The following GREB1 variants were observed in gnomAD, a reference collection of about 807,000 sequenced individuals.
GREB1 encodes protein GREB1.
In GREB1, 106 loss-of-function variants were observed where a neutral mutation model predicts 200.7. The observed-to-expected ratio is 0.53, with a 90% CI of 0.45 to 0.62. GREB1 has a LOEUF of 0.62. Ranked by LOEUF, GREB1 falls within the 20% of genes least tolerant of loss-of-function variation. GREB1 has a pLI of 0.00. For missense variants in GREB1, 2,243 were observed against 2,556.8 expected (o/e 0.88, Z 2.65); for synonymous variants, 1,132 against 1,092.4 (o/e 1.04, Z -0.72).
chr2:11,536,253 T>C (rs556149852), intron 1 of GREB1, among the ~76,000 whole-genome samples: 119 of 151,986 alleles, frequency 7.8e-4, no homozygotes, highest in African/African-American at 2.6e-3. Flanking sequence ...GAGTCGGAGG[T>C]GTGACAGGAT....
At chr2:11,614,418 C>T (rs1269920890) in intron 19 of GREB1, among the ~76,000 whole-genome samples, 4 of 152,140 alleles carry the variant, frequency 2.6e-5, no homozygotes, top group East Asian at 1.9e-4. Context: ...TGAGCCACCA[C>T]GCCCAGCCAG....
chr2:11,569,761 C>G (rs1369432297), intron 4 of GREB1, among the ~76,000 whole-genome samples: 1 of 152,212 alleles, frequency 6.6e-6, no homozygotes, highest in East Asian at 1.9e-4. Context: ...GGCCCTGGTG[C>G]CCAGGTCCTG....
intron 1 of GREB1, among the ~76,000 whole-genome samples, chr2:11,524,485 G>A (rs1673807466): frequency 2.0e-5 from 3 of 152,212 alleles, no homozygotes; most frequent in Admixed American, 6.5e-5. Context: ...GGAAATCTGT[G>A]TGCCATACTT....
Position 11,640,243 on chromosome 2 carries a change from G to A in GREB1, c.5687-48G>A. 6.4e-7 allele frequency: 1 copy of A among 1,573,484 alleles called. No homozygotes were observed. Among genetic ancestry groups the A allele is most frequent in the Non-Finnish European group, 8.6e-7 (1 of 1,158,570 alleles). On this transcript the variant is annotated intron_variant, in intron 32 of 32. Transcript: ENST00000381486. This position sits in a 1 kb window ranked among gnomAD's most constrained non-coding sequence, Gnocchi z 4.6. Reference sequence around the variant, plus strand: ...GAATCCGGGCAGCCGCTTTCCTCTGGATAAACTCACCTTTTCCCTTCCCAC... The same window carrying A: ...GAATCCGGGCAGCCGCTTTCCTCTGAATAAACTCACCTTTTCCCTTCCCAC...
intron 1 of GREB1, among the ~76,000 whole-genome samples, chr2:11,544,204 C>T (rs1195416769): frequency 1.3e-5 from 2 of 151,984 alleles, no homozygotes; most frequent in Non-Finnish European, 2.9e-5. Flanking sequence ...GTCTGAGAGC[C>T]TTTTATTTAT....
chr2:11,508,650 A>G (rs1673249758), intron 1 of GREB1, among the ~76,000 whole-genome samples: 1 of 152,184 alleles, frequency 6.6e-6, no homozygotes, highest in Non-Finnish European at 1.5e-5. Context: ...ATTTAGAATG[A>G]AACAAAATAA....
At chr2:11,545,839 C>T (rs1572643878) in intron 1 of GREB1, among the ~76,000 whole-genome samples, 1 of 151,898 alleles carries the variant, frequency 6.6e-6, no homozygotes, top group African/African-American at 2.4e-5. Context: ...CAGATAGCAG[C>T]TGTTGATTAT....
intron 6 of GREB1, among the ~76,000 whole-genome samples, chr2:11,579,395 A>C (rs1408592923): frequency 6.6e-6 from 1 of 152,190 alleles, no homozygotes; most frequent in African/African-American, 2.4e-5. Flanking sequence ...CTCATCTGTA[A>C]AGTTGGGCAA....
intron 2 of GREB1, among the ~76,000 whole-genome samples, chr2:11,557,818 C>T (rs73915422): frequency 0.038 from 5,725 of 152,192 alleles, 223 homozygotes; most frequent in African/African-American, 0.091. Context: ...TTAGGAAAAC[C>T]AAGAATTCGC....
chr2:11,566,302 C>T (rs1193329611), intron 3 of GREB1, among the ~76,000 whole-genome samples, 178 bp from the exon 4 acceptor site: 1 of 152,170 alleles, frequency 6.6e-6, no homozygotes, highest in Non-Finnish European at 1.5e-5. Flanking sequence ...CAGGCGTGAG[C>T]TACCATGCCC....
At chr2:11,547,676 A>C (rs1675414507) in intron 1 of GREB1, among the ~76,000 whole-genome samples, 1 of 152,176 alleles carries the variant, frequency 6.6e-6, no homozygotes, top group Non-Finnish European at 1.5e-5. Flanking sequence ...TTCTATCCCA[A>C]TTCCTGCTTC....
chr2:11,625,239 C>G lies in GREB1; in HGVS notation c.4233C>G (p.Asp1411Glu), dbSNP rs1288667102. 3 of 1,614,128 alleles carry G rather than the reference C, an allele frequency of 1.9e-6. No individual in the cohort carries two copies. Among genetic ancestry groups the G allele is most frequent in the Non-Finnish European group, 2.5e-6 (3 of 1,179,950 alleles). The change falls in exon 24 of 33, where the codon GAC becomes GAG. Residue 1411 changes from aspartate (D) to glutamate (E), a missense_variant. By Grantham distance (45) the Asp-to-Glu change is conservative. Transcript: ENST00000381486. ...AGCTGTTCAAGAAGTTGCCCTTTGA[C>G]TACATCATTCACGACCCGAAGTATG... ...DLELFKKLPF[D>E]YIIHDPKYED... is the part of the protein sequence containing the mutation.
intron 1 of GREB1, chr2:11,517,287 G>C (rs755894452): frequency 6.6e-6 from 1 of 152,630 alleles, no homozygotes; most frequent in Admixed American, 6.5e-5. Flanking sequence ...ATCCTGCCTT[G>C]TGCCATTCGG....
chr2:11,589,793 G>A (rs777905246), intron 10 of GREB1, among the ~76,000 whole-genome samples: 1 of 152,194 alleles, frequency 6.6e-6, no homozygotes, highest in Non-Finnish European at 1.5e-5. Context: ...GGCTGGAAAT[G>A]CCTTTGAAGG....
intron 1 of GREB1, among the ~76,000 whole-genome samples, chr2:11,525,075 C>G (rs1673826666): frequency 6.6e-6 from 1 of 152,198 alleles, no homozygotes; most frequent in African/African-American, 2.4e-5. Context: ...ATGGGAAGAA[C>G]AGACCTCTAC....
intron 15 of GREB1, 103 bp downstream of exon 15, chr2:11,598,963 G>A: frequency 2.0e-6 from 2 of 978,822 alleles, no homozygotes; most frequent in Non-Finnish European, 1.6e-6. Context: ...AAAGATGGAT[G>A]ATGTTTGGGC....
Position 11,592,931 on chromosome 2 carries a change from C to T in GREB1, c.1501C>T (p.Leu501=), listed in dbSNP as rs755498965. Residue 501 remains leucine, a synonymous_variant, in exon 11 of 33, where the codon CTG becomes TTG. Coordinates refer to ENST00000381486, the MANE Select transcript of GREB1 (RefSeq NM_014668.4). The part of the protein sequence containing the change: ...SAAAPVTSAQ[L]PWLASLAASS... ...CGCGGCACCCGTGACCTCCGCGCAG[C>T]TGCCCTGGCTGGCCAGCCTGGCCGC... 6.3e-7 allele frequency: 1 copy of T among 1,584,602 alleles called. No individual in the cohort carries two copies. The highest frequency in any genetic ancestry group is 2.3e-5 in the East Asian group (1 of 43,352).
upstream of GREB1, among the ~76,000 whole-genome samples, chr2:11,533,398 A>C (rs937198154): frequency 1.3e-5 from 2 of 152,164 alleles, no homozygotes; most frequent in Admixed American, 6.5e-5. Context: ...TGAAGTCAGC[A>C]CTGTTATCTC....
chr2:11,545,221 G>A (rs1447902550), intron 1 of GREB1, among the ~76,000 whole-genome samples: 1 of 151,982 alleles, frequency 6.6e-6, no homozygotes, highest in Non-Finnish European at 1.5e-5. Flanking sequence ...TGCAACCTTC[G>A]CCTCCCAGGT....
Sources: allele counts gnomAD v4.1 joint callset (sites outside exome capture counted in the v4.1 genomes callset), GRCh38; gene constraint gnomAD v4.1.1; non-coding constraint Gnocchi (gnomAD v3.1); transcripts MANE v1.5; gene names NCBI Gene and HGNC (gene_info 2026-07-23, HGNC 2026-07-21).